IGSF1: variants seen among roughly 807,000 people sequenced by gnomAD.
The protein encoded by IGSF1 is immunoglobulin superfamily member 1.
In IGSF1, 40 loss-of-function variants were observed where a neutral mutation model predicts 95.3. The ratio of observed to expected loss-of-function variants is 0.42; its 90% confidence interval spans 0.33 to 0.55. The LOEUF is 0.55. Ranked by LOEUF, IGSF1 falls within the 20% of genes least tolerant of loss-of-function variation. IGSF1 has a pLI of 0.10. For synonymous variants in IGSF1, 372 were observed against 382.9 expected, an observed-to-expected ratio of 0.97 and a Z score of 0.33; for missense variants, 906 against 1,025.4, an observed-to-expected ratio of 0.88 and a Z score of 1.59.
intron 7 of IGSF1, 76 bp from the exon 8 acceptor site, chrX:131,282,020 C>T: frequency 1.1e-6 from 1 of 933,469 alleles, no homozygotes; most frequent in Non-Finnish European, 1.5e-6. Context: ...TGTTTCTGAG[C>T]TCCCCATTTG....
At chrX:131,281,365 AG>A (rs1189896924) in intron 8 of IGSF1, 27 bp from the exon 9 acceptor site, 3 of 1,209,004 alleles carry the variant, frequency 2.5e-6, no homozygotes, top group Non-Finnish European at 3.4e-6. Context: ...CCAGAATCAG[AG>A]GCCTTGATGG....
rs2080497763 is a variant in IGSF1, at chrX:131,277,894, C to A, written c.2282G>T (p.Trp761Leu). Residue 761 changes from tryptophan (W) to leucine (L), a missense_variant, in exon 13 of 20, where the codon TGG becomes TTG. Physicochemically the swap from Trp to Leu is moderately conservative, Grantham distance 61. Around this residue, in one of 5 missense-constraint regions of IGSF1, gnomAD observed 411 missense variants for 494.9 expected, o/e 0.83. Coordinates refer to ENST00000361420, the MANE Select transcript of IGSF1 (RefSeq NM_001555.5). ...CTCCAGCGGCTCACTGGGCTCAGACCACTTGAAGGGGCGTTTTTCAGTGTG... is the reference window on the plus strand; with the variant it reads ...CTCCAGCGGCTCACTGGGCTCAGACAACTTGAAGGGGCGTTTTTCAGTGTG... ...RTHTEKRPFK[W>L]SEPSEPLELV... 8.3e-7 allele frequency: 1 copy of A among 1,208,667 alleles called. No homozygotes were observed. Among genetic ancestry groups the A allele is most frequent in the Non-Finnish European group, 1.1e-6 (1 of 894,973 alleles).
At chrX:131,281,528 A>G (rs2080559297) in intron 8 of IGSF1, 138 bp downstream of exon 8, 4 of 878,257 alleles carry the variant, frequency 4.6e-6, no homozygotes, top group South Asian at 2.5e-5. Context: ...GAATTGTGAG[A>G]CCACCCCAGG....
At chrX:131,286,573 T>A in intron 2 of IGSF1, 32 bp downstream of exon 2, 1 of 1,190,511 alleles carries the variant, frequency 8.4e-7, no homozygotes, top group Non-Finnish European at 1.1e-6. Flanking sequence ...TATGACAGGG[T>A]CACTTGCCCC....
chrX:131,278,462 T>C lies in IGSF1; in HGVS notation c.2040A>G (p.Thr680=). 2 of 1,188,530 alleles carry C rather than the reference T, an allele frequency of 1.7e-6. No homozygotes were observed. The highest frequency in any genetic ancestry group is 2.3e-6 in the Non-Finnish European group (2 of 881,982). The part of the protein sequence containing the change: ...EPSEALELVG[T]DILPKPVISA... ...CGGAGACCCTCTACATTTTCTTACC[T>C]GTCCCCACCAGCTCAAGTGCCTCAC... is the stretch of plus-strand genomic sequence containing the variant. Residue 680 remains threonine, a splice_region_variant and synonymous_variant, in exon 12 of 20, where the codon ACA becomes ACG. Transcript: ENST00000361420.
Position 131,276,979 on chromosome X carries a change from G to A in IGSF1, c.2568C>T (p.Ile856=). Residue 856 remains isoleucine, a synonymous_variant, in exon 14 of 20, where the codon ATC becomes ATT. Transcript: ENST00000361420. ...NYSCRYYDFS[I]WSEPSDPVEL... ...CCACAGGGTCGCTGGGCTCAGACCA[G>A]ATAGAAAAGTCATAATATCGGCAGC... is the stretch of plus-strand genomic sequence containing the variant. The A allele has an allele frequency of 2.5e-6, 3 of 1,211,332 alleles. No individual in the cohort carries two copies. The highest frequency in any genetic ancestry group is 3.4e-6 in the Non-Finnish European group (3 of 895,241).
Position 131,283,235 on chromosome X carries a change from G to A in IGSF1, c.697C>T (p.His233Tyr), listed in dbSNP as rs1478073941. ...GLYPKPTLTA[H>Y]PGPIMAPGES... Reference sequence around the variant, plus strand: ...CCAGGTGCCATGATGGGCCCAGGATGGGCTGTCAAAGTTGGTTTGGGGTAG... The same window carrying A: ...CCAGGTGCCATGATGGGCCCAGGATAGGCTGTCAAAGTTGGTTTGGGGTAG... The change falls in exon 6 of 20, where the codon CAT becomes TAT. Residue 233 changes from histidine (H) to tyrosine (Y), a missense_variant. His to Tyr is a moderately conservative substitution (Grantham distance 83). Around this residue, in one of 5 missense-constraint regions of IGSF1, gnomAD observed 442 missense variants for 448.1 expected, o/e 0.99. Coordinates refer to ENST00000361420, the MANE Select transcript of IGSF1 (RefSeq NM_001555.5). 7 of 1,208,825 alleles carry A rather than the reference G, an allele frequency of 5.8e-6. No homozygotes were observed. Among genetic ancestry groups the A allele is most frequent in the Non-Finnish European group, 7.8e-6 (7 of 893,314 alleles).
At chrX:131,281,362 C>T in intron 8 of IGSF1, 24 bp from the exon 9 acceptor site, 1 of 1,209,795 alleles carries the variant, frequency 8.3e-7, no homozygotes, top group South Asian at 1.8e-5. Flanking sequence ...AGACCAGAAT[C>T]AGAGGCCTTG....
chrX:131,280,963 C>A (rs1355974100), intron 9 of IGSF1: 2 of 293,739 alleles, frequency 6.8e-6, no homozygotes, highest in Non-Finnish European at 1.2e-5. Context: ...GGGCACCCTC[C>A]GGGGGGGATG....
In IGSF1 at chrX:131,277,141, G is replaced by C. The variant is rs1603404299; in HGVS notation, c.2406C>G (p.Pro802=). The change falls in exon 14 of 20, where the codon CCC becomes CCG. Residue 802 remains proline, a synonymous_variant. Coordinates refer to ENST00000361420, the MANE Select transcript of IGSF1 (RefSeq NM_001555.5). ...AAAGAATAAAGCTCATATGCTGGTG[G>C]GGGGTGGAGCAATTGAAAGTCACTC... The part of the protein sequence containing the change: ...GARVTFNCST[P]HQHMSFILYK... 8.3e-7 allele frequency: 1 copy of C among 1,210,861 alleles called. No individual in the cohort carries two copies.
At chrX:131,276,832 C>G (rs1025492012) in intron 14 of IGSF1, 107 bp downstream of exon 14, 2 of 784,809 alleles carry the variant, frequency 2.5e-6, no homozygotes, top group Admixed American at 2.6e-5. Flanking sequence ...GTCCTAAGCA[C>G]GTTCTCAGTG....
At position 131,276,900 on chromosome X, in the gene IGSF1, G is replaced by C. The variant is rs374141129; in HGVS notation, c.2608+39C>G. The C allele has an allele frequency of 7.7e-6, 9 of 1,172,683 alleles. No homozygotes were observed. The African/African-American group carries it at 1.6e-4, about 21-fold the overall frequency. On this transcript the variant is annotated intron_variant, in intron 14 of 19. Coordinates refer to ENST00000361420, the MANE Select transcript of IGSF1 (RefSeq NM_001555.5). Reference sequence around the variant, plus strand: ...TGACAGCCTTCCACCCACCATCCCAGGGTTGGCACCACCTCTACCTGGAGT... The same window carrying C: ...TGACAGCCTTCCACCCACCATCCCACGGTTGGCACCACCTCTACCTGGAGT...
In IGSF1 at chrX:131,285,951, T is replaced by C; in HGVS notation, c.195A>G (p.Ser65=). The C allele has an allele frequency of 8.3e-7, 1 of 1,211,352 alleles. No individual in the cohort carries two copies. The highest frequency in any genetic ancestry group is 2.3e-4 in the Middle Eastern group (1 of 4,355). Residue 65 remains serine (S), a synonymous_variant, in exon 4 of 20, where the codon TCA becomes TCG. Transcript: ENST00000361420. ...TLWCRSPSRI[S]SKFLLLKDKT... ...TATCCTTCAGCAGCAGGAACTTGCTTGATATCCGAGAGGGGCTTCGGCACC... is the reference window on the plus strand; with the variant it reads ...TATCCTTCAGCAGCAGGAACTTGCTCGATATCCGAGAGGGGCTTCGGCACC...
Position 131,274,064 on chromosome X carries a change from T to C in IGSF1, c.3875+19A>G. On this transcript the variant is annotated intron_variant, in intron 19 of 19. Transcript: ENST00000361420. Reference sequence around the variant, plus strand: ...CCACCTGGTTCACAGAAGGGGGCCATAATGAGGCATTTATTTACCTGGTTC... The same window carrying C: ...CCACCTGGTTCACAGAAGGGGGCCACAATGAGGCATTTATTTACCTGGTTC... 3 of 1,211,371 alleles carry C rather than the reference T, an allele frequency of 2.5e-6. No individual in the cohort carries two copies. The highest frequency in any genetic ancestry group is 3.4e-6 in the Non-Finnish European group (3 of 895,270).
At position 131,275,048 on chromosome X, in the gene IGSF1, A is replaced by G. The variant is rs1392488704; in HGVS notation, c.3423T>C (p.Thr1141=). The part of the protein sequence containing the change: ...IYSCVYYLDS[T]PFAASNHSDS... ...CACTGTGATTTGAAGCTGCAAAGGG[A>G]GTAGAGTCCAAATAATAAACACAGC... is the stretch of plus-strand genomic sequence containing the variant. The change falls in exon 17 of 20, where the codon ACT becomes ACC. Residue 1141 remains threonine, a synonymous_variant. Coordinates refer to ENST00000361420, the MANE Select transcript of IGSF1 (RefSeq NM_001555.5). 1.7e-6 allele frequency: 2 copies of G among 1,209,279 alleles called. No homozygotes were observed. Among genetic ancestry groups the G allele is most frequent in the Non-Finnish European group, 2.2e-6 (2 of 894,395 alleles).
chrX:131,276,794 A>G, intron 14 of IGSF1, 145 bp downstream of exon 14: 3 of 529,100 alleles, frequency 5.7e-6, no homozygotes, highest in Non-Finnish European at 9.5e-6. Flanking sequence ...GCTGTGCATC[A>G]TGGACTGGTC....
chrX:131,281,164 C>T, intron 9 of IGSF1, 54 bp downstream of exon 9: 1 of 1,189,427 alleles, frequency 8.4e-7, no homozygotes, highest in South Asian at 1.8e-5. Context: ...GGGCATGACT[C>T]ATTCTTCAGA....
chrX:131,278,515 A>T lies in IGSF1; in HGVS notation c.1987T>A (p.Trp663Arg). ...SHTGSYHCHS[W>R]EEMAVSEPSE... ...GGCTCCGATACAGCCATCTCCTCCC[A>T]TGAATGGCAGTGGTAGCTCCCGGTG... The change falls in exon 12 of 20, where the codon TGG (tryptophan) becomes AGG (arginine). Residue 663 changes from tryptophan (W) to arginine (R), a missense_variant. Trp to Arg is a moderately radical substitution (Grantham distance 101, BLOSUM62 -3). Around this residue, in one of 5 missense-constraint regions of IGSF1, gnomAD observed 10 missense variants for 32.3 expected, o/e 0.31. Coordinates refer to ENST00000361420, the MANE Select transcript of IGSF1 (RefSeq NM_001555.5). 8.3e-7 allele frequency: 1 copy of T among 1,209,609 alleles called. No individual in the cohort carries two copies. The highest frequency in any genetic ancestry group is 1.1e-6 in the Non-Finnish European group (1 of 893,882).
At position 131,277,064 on chromosome X, in the gene IGSF1, C is replaced by T. The variant is rs771739503; in HGVS notation, c.2483G>A (p.Gly828Glu). Reference protein sequence around the residue: ...ASSDRSWASPGASAAHFLIIS... With the variant: ...ASSDRSWASPEASAAHFLIIS... ...GATTAGAAAGTGAGCTGCACTGGCC[C>T]CCGGACTTGCCCAGGACCTGTCACT... The change falls in exon 14 of 20, where the codon GGG (glycine) becomes GAG (glutamate). Residue 828 changes from glycine (G) to glutamate (E), a missense_variant. Gly to Glu is a moderately conservative substitution (Grantham distance 98). Transcript: ENST00000361420. The T allele has an allele frequency of 4.1e-6, 5 of 1,211,106 alleles. No homozygotes were observed. In the Admixed American group the frequency reaches 8.7e-5, roughly 21 times the overall value.
Sources: gnomAD v4.1 joint callset for allele counts on GRCh38, gnomAD v4.1.1 for gene constraint, gnomAD v4.1.1 regional missense constraint, MANE v1.5 for transcripts, NCBI Gene and HGNC (gene_info 2026-07-23, HGNC 2026-07-21) for gene names.